CDH23: variants seen among roughly 807,000 people sequenced by gnomAD.
CDH23 encodes cadherin-23.
In CDH23, 189 loss-of-function variants were observed where a neutral mutation model predicts 317.1. That is an observed-to-expected ratio of 0.60 (90% CI 0.53 to 0.67). CDH23 has a LOEUF of 0.67. Among genes scored for constraint, CDH23 ranks in the 30% least tolerant of loss-of-function variants. The pLI is 0.00. For synonymous variants in CDH23, 1,839 were observed against 1,876.8 expected (o/e 0.98, Z 0.52); for missense variants, 4,401 against 4,592.4 (o/e 0.96, Z 1.20).
intron 38 of CDH23, among the ~76,000 whole-genome samples, chr10:71,775,103 C>T (rs922618396): frequency 6.6e-6 from 1 of 152,174 alleles, no homozygotes; most frequent in African/African-American, 2.4e-5. Context: ...CCTTGTGACC[C>T]CACCTTGGAA....
chr10:71,628,521 CAG>C (rs1462224844), intron 11 of CDH23, among the ~76,000 whole-genome samples: 1 of 151,854 alleles, frequency 6.6e-6, no homozygotes, highest in Non-Finnish European at 1.5e-5. Context: ...GTTTTTGAGA[CAG>C]AGTCTTGCTC....
chr10:71,537,873 T>C (rs1185374105), intron 6 of CDH23, among the ~76,000 whole-genome samples: 1 of 152,188 alleles, frequency 6.6e-6, no homozygotes, highest in Non-Finnish European at 1.5e-5. Flanking sequence ...ACAAAGAGAC[T>C]GAGGCCAAGA....
chr10:71,807,264 C>T lies in CDH23; in HGVS notation c.8179-13C>T. 6.2e-7 allele frequency: 1 copy of T among 1,611,918 alleles called. No homozygotes were observed. Among genetic ancestry groups the T allele is most frequent in the East Asian group, 2.2e-5 (1 of 44,796 alleles). On this transcript the variant is annotated splice_polypyrimidine_tract_variant and intron_variant, in intron 57 of 69. Transcript: ENST00000224721. ...CCTTGGCCCCATGTGATGACATCCCCCTCCCTCTGCAGAAAGGCAGCCCCC... is the reference window on the plus strand; with the variant it reads ...CCTTGGCCCCATGTGATGACATCCCTCTCCCTCTGCAGAAAGGCAGCCCCC...
rs377441168 is a variant in CDH23 at position 71,645,902 on chromosome 10, C to T, written c.1212C>T (p.Ser404=). The T allele has an allele frequency of 3.7e-6, 6 of 1,613,448 alleles. No individual in the cohort carries two copies. Among genetic ancestry groups the T allele is most frequent in the African/African-American group, 2.7e-5 (2 of 74,926 alleles). Reference sequence around the variant, plus strand: ...ACCACTTCATCATCTCCCCGACCTCCGTCCAGGGGAAGGCGGACATTCGTA... The same window carrying T: ...ACCACTTCATCATCTCCCCGACCTCTGTCCAGGGGAAGGCGGACATTCGTA... ...NSHHFIISPT[S]VQGKADIRIR... The change falls in exon 13 of 70, where the codon TCC becomes TCT. Residue 404 remains serine, a synonymous_variant. Coordinates refer to ENST00000224721, the MANE Select transcript of CDH23 (RefSeq NM_022124.6).
intron 1 of CDH23, among the ~76,000 whole-genome samples, chr10:71,413,345 C>T (rs1848414257): frequency 6.6e-6 from 1 of 152,140 alleles, no homozygotes; most frequent in Non-Finnish European, 1.5e-5. Flanking sequence ...GTAAGTCTGT[C>T]TTTATGTAAG....
intron 9 of CDH23, among the ~76,000 whole-genome samples, chr10:71,594,278 AT>A (rs1859690581): frequency 6.6e-6 from 1 of 152,108 alleles, no homozygotes; most frequent in Non-Finnish European, 1.5e-5. Flanking sequence ...TTCCTCAAAA[AT>A]GTTTGTGGAA....
At chr10:71,740,058 G>A (rs1285789932) in intron 36 of CDH23, among the ~76,000 whole-genome samples, 1 of 152,208 alleles carries the variant, frequency 6.6e-6, no homozygotes, top group African/African-American at 2.4e-5. Context: ...TGGTGGAGCT[G>A]GGAGAGCCCC....
chr10:71,689,296 C>T (rs1865095945), intron 19 of CDH23, among the ~76,000 whole-genome samples: 1 of 151,986 alleles, frequency 6.6e-6, no homozygotes, highest in Non-Finnish European at 1.5e-5. Flanking sequence ...CTCTGGGTAC[C>T]ACTCTGGCAC....
At chr10:71,426,868 G>A (rs1348363069) in intron 1 of CDH23, among the ~76,000 whole-genome samples, 1 of 152,024 alleles carries the variant, frequency 6.6e-6, no homozygotes, top group East Asian at 1.9e-4. Flanking sequence ...ACCTTTAGCT[G>A]GGCGCAGTGG....
At chr10:71,710,647 C>A (rs990390155) in intron 27 of CDH23, among the ~76,000 whole-genome samples, 1 of 152,214 alleles carries the variant, frequency 6.6e-6, no homozygotes, top group South Asian at 2.1e-4. Flanking sequence ...GAGCACAGGG[C>A]AGTGCTGATG....
chr10:71,716,110 G>C (rs577026782), intron 28 of CDH23: 8 of 1,544,664 alleles, frequency 5.2e-6, no homozygotes, highest in Non-Finnish European at 6.1e-6. Flanking sequence ...CAGGGTGGTG[G>C]GGCATGCACT....
At chr10:71,813,129 C>G (rs1407397085) in intron 68 of CDH23, 115 bp from the exon 69 acceptor site, 61 of 1,155,304 alleles carry the variant, frequency 5.3e-5, no homozygotes, top group Non-Finnish European at 6.7e-5. Context: ...TGATCCTCTG[C>G]CCTAGGATCA....
At chr10:71,808,068 G>A in intron 60 of CDH23, 61 bp downstream of exon 60, 1 of 1,544,696 alleles carries the variant, frequency 6.5e-7, no homozygotes, top group Non-Finnish European at 8.8e-7. Flanking sequence ...TGCATGGACT[G>A]TCATCTGGGG....
At chr10:71,742,826 T>C (rs1839773401) in intron 38 of CDH23, among the ~76,000 whole-genome samples, 1 of 152,004 alleles carries the variant, frequency 6.6e-6, no homozygotes, top group South Asian at 2.1e-4. Flanking sequence ...AATAACCACA[T>C]AGTTAGCGCT....
chr10:71,809,967 T>C lies in CDH23; in HGVS notation c.8870T>C (p.Val2957Ala). ...GIYILRDDQR[V>A]KIVINEIPDR... is the part of the protein sequence containing the mutation. ...TACATCCTGAGGGACGACCAGCGCG[T>C]CAAGATCGTCATTAACGAGATCCCC... is the stretch of plus-strand genomic sequence containing the variant. Residue 2957 changes from valine to alanine, a missense_variant, in exon 61 of 70, where the codon GTC (valine) becomes GCC (alanine). Coordinates refer to ENST00000224721, the MANE Select transcript of CDH23 (RefSeq NM_022124.6). 6.2e-7 allele frequency: 1 copy of C among 1,612,174 alleles called. No individual in the cohort carries two copies.
intron 14 of CDH23, among the ~76,000 whole-genome samples, chr10:71,650,964 C>T (rs1295715542): frequency 2.6e-5 from 4 of 152,208 alleles, no homozygotes; most frequent in African/African-American, 4.8e-5. Flanking sequence ...ATTCAACAAA[C>T]GTTTGGTGAA....
chr10:71,711,282 C>T (rs372403990), intron 27 of CDH23, among the ~76,000 whole-genome samples: 2 of 152,120 alleles, frequency 1.3e-5, no homozygotes, highest in East Asian at 3.9e-4. Flanking sequence ...TAAGCCAACC[C>T]CCAAGGGTGG....
chr10:71,598,405 G>A (rs981871932), intron 9 of CDH23, among the ~76,000 whole-genome samples: 5 of 152,242 alleles, frequency 3.3e-5, no homozygotes, highest in African/African-American at 7.2e-5. Flanking sequence ...CCCAAGTGAC[G>A]CCATCTGTCT....
chr10:71,770,028 C>T (rs1198010772), intron 38 of CDH23, among the ~76,000 whole-genome samples: 2 of 152,212 alleles, frequency 1.3e-5, no homozygotes, highest in African/African-American at 4.8e-5. Context: ...TACAGGGGCT[C>T]ACAGGTAGCT....
Sources: gnomAD v4.1 joint callset for allele counts (sites outside exome capture counted in the v4.1 genomes callset) on GRCh38, gnomAD v4.1.1 for gene constraint, MANE v1.5 for transcripts, NCBI Gene and HGNC (gene_info 2026-07-23, HGNC 2026-07-21) for gene names.